ACTR2: variants seen among roughly 807,000 people sequenced by gnomAD.
The protein encoded by ACTR2 is actin related protein 2.
ACTR2 carries 5 observed loss-of-function variants against 50.2 expected under a neutral mutation model. That is an observed-to-expected ratio of 0.10 (90% CI 0.05 to 0.21). The LOEUF (loss-of-function observed/expected upper bound fraction) is 0.21, where lower values mean the gene tolerates loss of function less well. ACTR2 is among the 10% of genes least tolerant of loss of function. The probability of loss-of-function intolerance (pLI) is 1.00; values close to 1 mark genes in which losing one functional copy is unlikely to be tolerated. For missense variants in ACTR2, 180 were observed against 480.6 expected, an observed-to-expected ratio of 0.37 and a Z score of 5.85; for synonymous variants, 140 against 162.9, an observed-to-expected ratio of 0.86 and a Z score of 1.07.
intron 7 of ACTR2, among the ~76,000 whole-genome samples, chr2:65,263,987 G>A (rs11893718): frequency 0.36 from 55,104 of 151,928 alleles, 10,375 homozygotes; most frequent in Middle Eastern, 0.51. Context: ...CCTGGGAGGC[G>A]GAGGTTGCAG....
chr2:65,251,839 G>A (rs1001806764), intron 4 of ACTR2, among the ~76,000 whole-genome samples: 4 of 152,134 alleles, frequency 2.6e-5, no homozygotes, highest in African/African-American at 7.2e-5. Flanking sequence ...GTTTAATGGA[G>A]GGGACTACTT....
At chr2:65,262,035 T>G (rs576216030) in intron 7 of ACTR2, among the ~76,000 whole-genome samples, 15 of 152,354 alleles carry the variant, frequency 9.8e-5, no homozygotes, top group South Asian at 4.1e-4. Context: ...TTGAGAAATG[T>G]CTATTCAGGT....
At chr2:65,243,334 T>G (rs539602030) in intron 2 of ACTR2, among the ~76,000 whole-genome samples, 112 of 151,846 alleles carry the variant, frequency 7.4e-4, no homozygotes, top group South Asian at 1.7e-3. Flanking sequence ...AGGCTTATTT[T>G]AACAGAAGTT....
At chr2:65,260,164 C>G (rs1672240061) in intron 6 of ACTR2, among the ~76,000 whole-genome samples, 1 of 152,048 alleles carries the variant, frequency 6.6e-6, no homozygotes, top group African/African-American at 2.4e-5. Flanking sequence ...AGTATTTTGG[C>G]AAAATAATAG....
At chr2:65,265,334 C>A in intron 8 of ACTR2, 159 bp downstream of exon 8, 1 of 844,332 alleles carries the variant, frequency 1.2e-6, no homozygotes, top group Non-Finnish European at 1.9e-6. Flanking sequence ...GGAAATAGTT[C>A]AAGATAAGCT....
intron 1 of ACTR2, among the ~76,000 whole-genome samples, chr2:65,229,894 A>C (rs914145882): frequency 6.6e-6 from 1 of 152,198 alleles, no homozygotes; most frequent in Admixed American, 6.5e-5. Flanking sequence ...ATTCAGTTTA[A>C]GTGTGTGTTC....
At chr2:65,255,856 TTTAA>T (rs370013675) in intron 6 of ACTR2, among the ~76,000 whole-genome samples, 162 bp downstream of exon 6, 255 of 152,342 alleles carry the variant, frequency 1.7e-3, no homozygotes, top group African/African-American at 5.7e-3. Context: ...TAAGTTTCTA[TTTAA>T]TTATTTTAGG....
intron 7 of ACTR2, among the ~76,000 whole-genome samples, chr2:65,264,289 A>C (rs753497473): frequency 1.3e-5 from 2 of 152,202 alleles, no homozygotes; most frequent in Middle Eastern, 3.2e-3. Context: ...TGGGCTTGCT[A>C]TGGCAATTAA....
rs944228889 is a variant in ACTR2, at chr2:65,228,018, G to T, written c.48+61G>T. The T allele has an allele frequency of 4.1e-6, 6 of 1,448,582 alleles. No individual in the cohort carries two copies. The Admixed American group carries it at 1.7e-4, about 42-fold the overall frequency. 89.7% of individuals were successfully genotyped at this position (1,448,582 alleles called of 1,614,324 possible). ...ACGCCGGCGGGGACGAGCAGCTGGCGCACGGGCCCTCGGCCCCCAGGGCTG... is the reference window on the plus strand; with the variant it reads ...ACGCCGGCGGGGACGAGCAGCTGGCTCACGGGCCCTCGGCCCCCAGGGCTG... On this transcript the variant is annotated intron_variant, in intron 1 of 8. Transcript: ENST00000260641.
chr2:65,238,706 G>A lies in ACTR2; in HGVS notation c.49-1146G>A, dbSNP rs916895930. Among the ~76,000 whole-genome samples, 4 of 149,154 alleles carry A rather than the reference G, an allele frequency of 2.7e-5. No individual in the cohort carries two copies. In the Admixed American group the frequency reaches 2.7e-4, roughly 10 times the overall value. On this transcript the variant is annotated intron_variant, in intron 1 of 8. Coordinates refer to ENST00000260641, the MANE Select transcript of ACTR2 (RefSeq NM_005722.4). The stretch of plus-strand genomic sequence containing the variant: ...AGCTAGCCAGGCGCGGTGACTCAAC[G>A]CCTGCAATCCCAGCACTTTGGGAGG...
intron 8 of ACTR2, 148 bp from the exon 9 acceptor site, chr2:65,268,416 C>G: frequency 1.6e-6 from 1 of 638,956 alleles, no homozygotes; most frequent in Non-Finnish European, 2.5e-6. Context: ...CTAAATGTTT[C>G]TGTACCTCAG....
intron 3 of ACTR2, among the ~76,000 whole-genome samples, chr2:65,247,780 A>G (rs1457271827): frequency 6.6e-6 from 1 of 152,176 alleles, no homozygotes; most frequent in Non-Finnish European, 1.5e-5. Context: ...AAAATCGTGT[A>G]TAAGTGGACC....
chr2:65,251,721 A>T (rs1050579195), intron 4 of ACTR2, among the ~76,000 whole-genome samples: 2 of 152,200 alleles, frequency 1.3e-5, no homozygotes, highest in Non-Finnish European at 2.9e-5. Flanking sequence ...GTTAAAAAAA[A>T]TACGCAGAGA....
chr2:65,255,676 A>G lies in ACTR2; in HGVS notation c.717A>G (p.Val239=), dbSNP rs776272631. The change falls in exon 6 of 9, where the codon GTA becomes GTG. Residue 239 remains valine, a synonymous_variant. Coordinates refer to ENST00000260641, the MANE Select transcript of ACTR2 (RefSeq NM_005722.4). ...AGAAACTGGCCTTAGAAACCACAGT[A>G]TTAGTTGAATCTTATACAGTAAGTG... is the stretch of plus-strand genomic sequence containing the variant. ...QEQKLALETT[V]LVESYTLPDG... is the part of the protein sequence containing the mutation. The G allele has an allele frequency of 1.2e-6, 2 of 1,613,752 alleles. No individual in the cohort carries two copies. The highest frequency in any genetic ancestry group is 1.3e-5 in the African/African-American group (1 of 74,934).
chr2:65,254,715 C>T (rs1252442858), intron 5 of ACTR2, among the ~76,000 whole-genome samples: 1 of 152,202 alleles, frequency 6.6e-6, no homozygotes, highest in Non-Finnish European at 1.5e-5. Context: ...AATGTATAGT[C>T]TGTCAGTGGT....
At chr2:65,266,292 C>T (rs1672371446) in intron 8 of ACTR2, among the ~76,000 whole-genome samples, 2 of 152,086 alleles carry the variant, frequency 1.3e-5, no homozygotes, top group East Asian at 3.9e-4. Flanking sequence ...TCAGGAAAGG[C>T]CTTTTGGATG....
chr2:65,228,435 A>G (rs1671573305), intron 1 of ACTR2: 1 of 153,978 alleles, frequency 6.5e-6, no homozygotes, highest in Admixed American at 6.5e-5. Flanking sequence ...TTAAAAAAAA[A>G]AAAAAAAAAA....
chr2:65,264,434 T>C (rs1672334495), intron 7 of ACTR2, among the ~76,000 whole-genome samples: 1 of 152,186 alleles, frequency 6.6e-6, no homozygotes, highest in Non-Finnish European at 1.5e-5. Context: ...AGACCCTCGC[T>C]CAGATTCTGT....
At position 65,269,523 on chromosome 2, in the gene ACTR2, A is replaced by T. The variant is rs868552664; in HGVS notation, c.*789A>T. On this transcript the variant is annotated 3_prime_UTR_variant, in exon 9 of 9. Coordinates refer to ENST00000260641, the MANE Select transcript of ACTR2 (RefSeq NM_005722.4). ...ATTTATTTGTTTTTTAAAATCAACC[A>T]TGTTAGCTGGGATTAGACTCCCTAC... The T allele has an allele frequency of 1.5e-4, 23 of 152,290 alleles. 2 individuals are homozygous for T. Among genetic ancestry groups the T allele is most frequent in the Middle Eastern group, 3.4e-3 (1 of 294 alleles). 9.4% of individuals were successfully genotyped at this position (152,290 alleles called of 1,614,324 possible). A position where few individuals can be genotyped will look rare whatever the true frequency, so the allele number is the denominator to read the frequency against.
Sources: allele counts gnomAD v4.1 joint callset (sites outside exome capture counted in the v4.1 genomes callset), GRCh38; gene constraint gnomAD v4.1.1; transcripts MANE v1.5; gene names NCBI Gene and HGNC (gene_info 2026-07-23, HGNC 2026-07-21).